The following ZFAT variants were observed in gnomAD, a reference collection of about 807,000 sequenced individuals.
ZFAT encodes zinc finger and AT-hook domain containing.
Under a neutral mutation model 117.7 loss-of-function variants are expected in ZFAT, and 64 were observed. That is an observed-to-expected ratio of 0.54 (90% CI 0.44 to 0.67). The LOEUF (loss-of-function observed/expected upper bound fraction) is 0.67. Among genes scored for constraint, ZFAT ranks in the 30% least tolerant of loss-of-function variants. The pLI is 0.00. For missense variants in ZFAT, 1,433 were observed against 1,584.5 expected, an observed-to-expected ratio of 0.90 and a Z score of 1.62; for synonymous variants, 679 against 615.0, an observed-to-expected ratio of 1.10 and a Z score of -1.54.
the ZFAT span, among the ~76,000 whole-genome samples, chr8:134,819,872 A>G: frequency 1.3e-5 from 2 of 150,460 alleles, no homozygotes; most frequent in Non-Finnish European, 1.5e-5. Context: ...GGGGGGAAGA[A>G]AAAAAAAAAG....
chr8:134,759,334 T>G, the ZFAT span, among the ~76,000 whole-genome samples: 3 of 152,176 alleles, frequency 2.0e-5, no homozygotes, highest in Non-Finnish European at 4.4e-5. Flanking sequence ...CCAACATTCT[T>G]CCTACTGAGC....
the ZFAT span, among the ~76,000 whole-genome samples, chr8:134,732,366 G>T: frequency 6.6e-6 from 1 of 152,218 alleles, no homozygotes; most frequent in African/African-American, 2.4e-5. Context: ...GATGATGCAG[G>T]TTCTGCAGCC....
At chr8:134,651,554 T>G (rs908419324) in intron 2 of ZFAT, among the ~76,000 whole-genome samples, 2 of 152,180 alleles carry the variant, frequency 1.3e-5, no homozygotes, top group African/African-American at 4.8e-5. Flanking sequence ...CATATGAATT[T>G]TATCTAAAAA....
At chr8:134,483,444 A>G (rs1352314423) in intron 15 of ZFAT, among the ~76,000 whole-genome samples, 1 of 152,176 alleles carries the variant, frequency 6.6e-6, no homozygotes, top group Non-Finnish European at 1.5e-5. Flanking sequence ...TGATTAAATT[A>G]TCACTCTTTA....
intron 3 of ZFAT, among the ~76,000 whole-genome samples, chr8:134,612,252 C>T (rs1478543495): frequency 6.6e-6 from 1 of 152,190 alleles, no homozygotes; most frequent in African/African-American, 2.4e-5. Flanking sequence ...TGCGCAAGCG[C>T]AAGGTGGGGG....
intron 3 of ZFAT, among the ~76,000 whole-genome samples, chr8:134,621,094 A>C (rs985763263): frequency 6.6e-6 from 1 of 151,652 alleles, no homozygotes; most frequent in Non-Finnish European, 1.5e-5. Flanking sequence ...AAGAGAAAAC[A>C]GAATGTAATT....
At chr8:134,823,176 G>A in the ZFAT span, among the ~76,000 whole-genome samples, 30 of 152,184 alleles carry the variant, frequency 2.0e-4, no homozygotes, top group East Asian at 3.3e-3. Context: ...TCCATCCAAC[G>A]GGAACAGCCT....
At chr8:134,510,127 C>G (rs1380703186) in intron 14 of ZFAT, 1 of 459,190 alleles carries the variant, frequency 2.2e-6, no homozygotes, top group Non-Finnish European at 4.4e-6. Context: ...GAGCACCCAG[C>G]AAGCCCGTTC....
intron 5 of ZFAT, among the ~76,000 whole-genome samples, chr8:134,607,684 C>A (rs1184453892): frequency 1.3e-5 from 2 of 152,244 alleles, no homozygotes; most frequent in African/African-American, 2.4e-5. Flanking sequence ...CTCAAAAACA[C>A]CCCATTTCTC....
At chr8:134,513,964 C>T (rs1454705825) in intron 13 of ZFAT, among the ~76,000 whole-genome samples, 2 of 152,280 alleles carry the variant, frequency 1.3e-5, no homozygotes, top group South Asian at 2.1e-4. Context: ...ACAGATTAGC[C>T]GACAGTAGAT....
intron 15 of ZFAT, among the ~76,000 whole-genome samples, chr8:134,506,027 A>T (rs1463644000): frequency 6.6e-6 from 1 of 152,218 alleles, no homozygotes. Flanking sequence ...CAGTGATTTA[A>T]GCCATGAGCC....
intron 3 of ZFAT, among the ~76,000 whole-genome samples, chr8:134,626,253 G>A (rs1829490308): frequency 6.6e-6 from 1 of 152,194 alleles, no homozygotes; most frequent in Non-Finnish European, 1.5e-5. Flanking sequence ...TCTGAAGCAG[G>A]GGAGCGTGGA....
At chr8:134,590,924 T>C (rs1285930461) in intron 7 of ZFAT, among the ~76,000 whole-genome samples, 1 of 152,148 alleles carries the variant, frequency 6.6e-6, no homozygotes, top group African/African-American at 2.4e-5. Context: ...TCCAAGCACA[T>C]ACATACACCC....
the ZFAT span, among the ~76,000 whole-genome samples, chr8:134,817,225 T>C: frequency 6.6e-6 from 1 of 152,092 alleles, no homozygotes; most frequent in African/African-American, 2.4e-5. Flanking sequence ...AAATGAGGCC[T>C]TCAGAGCAAA....
upstream of ZFAT, among the ~76,000 whole-genome samples, chr8:134,714,107 GC>G (rs34806943): frequency 0.28 from 26,094 of 93,436 alleles, 3,529 homozygotes; most frequent in East Asian, 0.35. Flanking sequence ...GCAAAGACAT[GC>G]CCCCCCCCCC....
At chr8:134,748,988 A>G in the ZFAT span, among the ~76,000 whole-genome samples, 5 of 152,152 alleles carry the variant, frequency 3.3e-5, no homozygotes, top group African/African-American at 9.6e-5. Flanking sequence ...GTTTAGAAAA[A>G]GAAAAAAAAG....
chr8:134,572,769 T>C (rs997645521), intron 10 of ZFAT, among the ~76,000 whole-genome samples: 3 of 151,244 alleles, frequency 2.0e-5, no homozygotes, highest in African/African-American at 7.3e-5. Context: ...GAACACATGC[T>C]CCAAGCTGAC....
intron 12 of ZFAT, among the ~76,000 whole-genome samples, chr8:134,523,446 C>T (rs1820805924): frequency 6.6e-6 from 1 of 152,224 alleles, no homozygotes; most frequent in African/African-American, 2.4e-5. Flanking sequence ...CGCCTCCTGG[C>T]CAGGCCACTG....
At chr8:134,700,488 C>T (rs762844623) in intron 1 of ZFAT, among the ~76,000 whole-genome samples, 1 of 152,224 alleles carries the variant, frequency 6.6e-6, no homozygotes, top group Non-Finnish European at 1.5e-5. Flanking sequence ...GTGCTGGCAC[C>T]TCCAGCAGGA....
Sources: gnomAD v4.1 joint callset for allele counts (sites outside exome capture counted in the v4.1 genomes callset) on GRCh38, gnomAD v4.1.1 for gene constraint, MANE v1.5 for transcripts, NCBI Gene and HGNC (gene_info 2026-07-23, HGNC 2026-07-21) for gene names.